Variants in MUC12 observed in about 807,000 individuals in gnomAD.
MUC12 encodes mucin-12.
MUC12 carries 172 observed loss-of-function variants against 230.8 expected under a neutral mutation model. The ratio of observed to expected loss-of-function variants is 0.75; its 90% CI spans 0.66 to 0.85. The LOEUF is 0.85. Among genes scored for constraint, MUC12 ranks in the 40% least tolerant of loss-of-function variants. The probability of loss-of-function intolerance (pLI) is 0.00; values close to 1 mark genes in which losing one functional copy is unlikely to be tolerated. For missense variants in MUC12, 3,506 were observed against 5,920.6 expected, an observed-to-expected ratio of 0.59 and a Z score of 13.38; for synonymous variants, 1,259 against 2,401.9, an observed-to-expected ratio of 0.52 and a Z score of 13.91.
intron 9 of MUC12, 53 bp from the exon 10 acceptor site, chr7:101,015,562 A>C: frequency 6.8e-7 from 1 of 1,480,830 alleles, no homozygotes; most frequent in Non-Finnish European, 9.1e-7. Flanking sequence ...GGGTCCACCA[A>C]GTCCCTCCTC....
intron 5 of MUC12, 73 bp from the exon 6 acceptor site, chr7:101,012,223 C>G: frequency 2.0e-6 from 3 of 1,497,746 alleles, no homozygotes; most frequent in Non-Finnish European, 2.7e-6. Context: ...CCCATTACCA[C>G]TCTGGGTGCT....
chr7:100,981,135 T>C (rs1793098456), intron 1 of MUC12, among the ~76,000 whole-genome samples: 1 of 152,244 alleles, frequency 6.6e-6, no homozygotes, highest in African/African-American at 2.4e-5. Context: ...GTGAAATTTA[T>C]ATGCTTTTTC....
At position 100,991,173 on chromosome 7, in the gene MUC12, G is replaced by T; in HGVS notation, c.610G>T (p.Asp204Tyr). The stretch of plus-strand genomic sequence containing the variant: ...TTCCCACAGCATCCCCGGCTCCACA[G>T]ACACAACACTGTCCCCTGGCACTAC... ...TASHSIPGST[D>Y]TTLSPGTTTP... is the part of the protein sequence containing the mutation. The change falls in exon 2 of 12, where the codon GAC (aspartate) becomes TAC (tyrosine). Residue 204 changes from aspartate to tyrosine, a missense_variant. Transcript: ENST00000536621. The T allele has an allele frequency of 6.5e-7, 1 of 1,537,534 alleles. No individual in the cohort carries two copies. Among genetic ancestry groups the T allele is most frequent in the Non-Finnish European group, 8.7e-7 (1 of 1,146,838 alleles).
At chr7:100,973,461 ATG>A (rs1792954860) in intron 1 of MUC12, among the ~76,000 whole-genome samples, 1 of 108,116 alleles carries the variant, frequency 9.2e-6, no homozygotes, top group Admixed American at 9.4e-5. Context: ...AGGTATGAAA[ATG>A]TGAGTGCTCA....
intron 1 of MUC12, among the ~76,000 whole-genome samples, chr7:100,988,206 G>A (rs1321398606): frequency 6.9e-6 from 1 of 144,838 alleles, no homozygotes; most frequent in Admixed American, 7.3e-5. Flanking sequence ...GCTGTCAGGA[G>A]AATCACTTGA....
At chr7:100,982,698 G>A (rs1053685973) in intron 1 of MUC12, among the ~76,000 whole-genome samples, 3 of 151,768 alleles carry the variant, frequency 2.0e-5, no homozygotes, top group Non-Finnish European at 4.4e-5. Flanking sequence ...CAAAGTGCTG[G>A]GATTACAGGC....
At chr7:100,978,504 T>A (rs1793063194) in intron 1 of MUC12, among the ~76,000 whole-genome samples, 1 of 152,186 alleles carries the variant, frequency 6.6e-6, no homozygotes, top group African/African-American at 2.4e-5. Flanking sequence ...TCAGAGAGGT[T>A]CGCTGGATTG....
chr7:101,004,727 G>T lies in MUC12; in HGVS notation c.14164G>T (p.Glu4722Ter). The T allele has an allele frequency of 1.3e-6, 2 of 1,536,938 alleles. No homozygotes were observed. The highest frequency in any genetic ancestry group is 1.7e-6 in the Non-Finnish European group (2 of 1,146,368). The change falls in exon 2 of 12, where the codon GAA becomes TAA. Residue 4722 changes from glutamate to a stop codon, truncating the protein, a stop_gained. Transcript: ENST00000536621. LOFTEE classifies it high-confidence loss of function. ...CTTCTATATCTCTCCAGGCTCAATG[G>T]AAACAACATTAGCCAGCACTGCCAC... ...TTFYISPGSMETTLASTATTP... is the reference protein window; with the variant it reads ...TTFYISPGSM
Position 100,982,147 on chromosome 7 carries a change from G to A in MUC12, c.68-8484G>A, listed in dbSNP as rs61020250. Reference sequence around the variant, plus strand: ...CTCCCAAAATGCTGGGATTACAGGCGTGAGCCACCGTGCCCAGCCTCCAGG... The same window carrying A: ...CTCCCAAAATGCTGGGATTACAGGCATGAGCCACCGTGCCCAGCCTCCAGG... On this transcript the variant is annotated intron_variant, in intron 1 of 11. Transcript: ENST00000536621. 2.0e-3 allele frequency among the ~76,000 whole-genome samples: 297 copies of A among 151,670 alleles called. 1 individual carries two copies. The highest frequency in any genetic ancestry group is 6.8e-3 in the African/African-American group (280 of 41,360).
chr7:101,010,379 C>T (rs1047700662), intron 5 of MUC12, among the ~76,000 whole-genome samples: 2 of 152,086 alleles, frequency 1.3e-5, no homozygotes, highest in African/African-American at 4.8e-5. Context: ...CTCTCTTGCC[C>T]AGGCTGGAAT....
intron 1 of MUC12, chr7:100,981,245 A>T (rs1368318094): frequency 2.5e-6 from 1 of 406,638 alleles, no homozygotes; most frequent in East Asian, 3.6e-5. Context: ...TGGAGGTTGA[A>T]CTGGAGAAGG....
At position 100,990,637 on chromosome 7, in the gene MUC12, C is replaced by A; in HGVS notation, c.74C>A (p.Thr25Lys). Residue 25 changes from threonine to lysine, a missense_variant, in exon 2 of 12, where the codon ACA becomes AAA. Thr to Lys is a moderately conservative substitution (Grantham distance 78). Transcript: ENST00000536621. Reference sequence around the variant, plus strand: ...GGTTTCTCTCAAATCACAGGCTCAACAGTAAACACCAGTATTGGAGGTAAT... The same window carrying A: ...GGTTTCTCTCAAATCACAGGCTCAAAAGTAAACACCAGTATTGGAGGTAAT... ...ASVTTVTPGS[T>K]VNTSIGGNTT... 6.5e-7 allele frequency: 1 copy of A among 1,537,452 alleles called. No homozygotes were observed. The highest frequency in any genetic ancestry group is 8.7e-7 in the Non-Finnish European group (1 of 1,146,948).
intron 2 of MUC12, among the ~76,000 whole-genome samples, chr7:101,005,800 A>ATT (rs58353499): frequency 6.8e-6 from 1 of 146,586 alleles, no homozygotes. Flanking sequence ...TCTTCTCTGG[A>ATT]TTTTTTTTTT....
intron 1 of MUC12, among the ~76,000 whole-genome samples, chr7:100,975,956 G>A (rs1003727611): frequency 1.3e-5 from 2 of 152,302 alleles, no homozygotes; most frequent in African/African-American, 4.8e-5. Flanking sequence ...CACAGTTGGA[G>A]AAGTCAATAG....
chr7:100,970,682 G>A (rs1792859000), intron 1 of MUC12, among the ~76,000 whole-genome samples: 2 of 152,034 alleles, frequency 1.3e-5, no homozygotes, highest in Non-Finnish European at 2.9e-5. Flanking sequence ...GACCATCCTA[G>A]CCAACATGGT....
rs1485436005 is a variant in MUC12, at chr7:100,995,428, G to A, written c.4865G>A (p.Ser1622Asn). ...GSTDTTLSPG[S>N]TTASSLGPES... ...ACAGACACAACATTGTCCCCTGGCA[G>A]TACCACAGCATCATCCCTTGGTCCA... is the stretch of plus-strand genomic sequence containing the variant. Residue 1622 changes from serine (S) to asparagine (N), a missense_variant, in exon 2 of 12, where the codon AGT becomes AAT. Ser to Asn is a conservative substitution (Grantham distance 46). Transcript: ENST00000536621. The A allele has an allele frequency of 2.0e-5, 30 of 1,533,988 alleles. No homozygotes were observed. The highest frequency in any genetic ancestry group is 2.4e-5 in the East Asian group (1 of 40,918).
At chr7:100,989,958 G>A (rs374961610) in intron 1 of MUC12, among the ~76,000 whole-genome samples, 1 of 152,154 alleles carries the variant, frequency 6.6e-6, no homozygotes, top group Non-Finnish European at 1.5e-5. Context: ...CTCCCAAAGT[G>A]TTGGGATTAT....
chr7:100,989,515 G>T (rs546111502), intron 1 of MUC12, among the ~76,000 whole-genome samples: 5 of 152,208 alleles, frequency 3.3e-5, no homozygotes, highest in Admixed American at 6.5e-5. Context: ...AACGCGTGTG[G>T]GGGCATTTGT....
intron 1 of MUC12, among the ~76,000 whole-genome samples, chr7:100,975,966 G>C (rs1241979975): frequency 6.6e-6 from 1 of 152,300 alleles, no homozygotes; most frequent in African/African-American, 2.4e-5. Context: ...GAAGTCAATA[G>C]AGACCCGATA....
Sources: gnomAD v4.1 joint callset for allele counts (sites outside exome capture counted in the v4.1 genomes callset) on GRCh38, gnomAD v4.1.1 for gene constraint, MANE v1.5 for transcripts, NCBI Gene and HGNC (gene_info 2026-07-23, HGNC 2026-07-21) for gene names.